RUNX1: variants seen among roughly 807,000 people sequenced by gnomAD.
The protein encoded by RUNX1 is runt-related transcription factor 1.
A neutral mutation model predicts 42.8 loss-of-function variants in RUNX1; 19 were observed. That is an observed-to-expected ratio of 0.44 (90% CI 0.31 to 0.65). The LOEUF is 0.65. Among genes scored for constraint, RUNX1 ranks in the 30% least tolerant of loss-of-function variants. The pLI, the probability that RUNX1 is intolerant of heterozygous loss-of-function variation, is 0.07. For missense variants in RUNX1, 528 were observed against 672.0 expected, an observed-to-expected ratio of 0.79 and a Z score of 2.37; for synonymous variants, 271 against 289.4, an observed-to-expected ratio of 0.94 and a Z score of 0.64.
intron 8 of RUNX1, among the ~76,000 whole-genome samples, chr21:34,796,810 A>T (rs2056534830): frequency 6.7e-6 from 1 of 150,170 alleles, no homozygotes; most frequent in Non-Finnish European, 1.5e-5. Context: ...TTTGAAAAAG[A>T]AAAAAAAAAG....
At chr21:34,826,540 C>T (rs887476381) in intron 7 of RUNX1, among the ~76,000 whole-genome samples, 54 of 146,912 alleles carry the variant, frequency 3.7e-4, no homozygotes, top group African/African-American at 1.3e-3. Flanking sequence ...CCGGCTCAAG[C>T]GATTCTCCTG....
At chr21:35,013,480 G>A (rs1036098819) in intron 2 of RUNX1, among the ~76,000 whole-genome samples, 1 of 152,176 alleles carries the variant, frequency 6.6e-6, no homozygotes, top group Non-Finnish European at 1.5e-5. Flanking sequence ...ATTACGAGAG[G>A]TGAAGGTTAT....
At chr21:35,003,490 A>T (rs899733708) in intron 2 of RUNX1, among the ~76,000 whole-genome samples, 3 of 152,038 alleles carry the variant, frequency 2.0e-5, no homozygotes, top group Non-Finnish European at 4.4e-5. Flanking sequence ...CTTTGATGAT[A>T]ATGAGTGAAC....
chr21:34,844,741 C>G (rs2057292412), intron 6 of RUNX1, among the ~76,000 whole-genome samples: 2 of 152,200 alleles, frequency 1.3e-5, no homozygotes, highest in Admixed American at 1.3e-4. Context: ...AGCCCTGCCC[C>G]CTGGGCCTCG....
intron 3 of RUNX1, among the ~76,000 whole-genome samples, chr21:34,889,996 G>A (rs899381847): frequency 2.6e-5 from 4 of 151,986 alleles, no homozygotes; most frequent in African/African-American, 7.2e-5. Flanking sequence ...CGGCGCGGGG[G>A]TCCCTCGCCG....
intron 2 of RUNX1, among the ~76,000 whole-genome samples, chr21:34,987,654 A>C (rs1330443803): frequency 2.0e-5 from 3 of 152,302 alleles, no homozygotes; most frequent in Admixed American, 2.0e-4. Context: ...TCGCTAAAAA[A>C]ATTCTCATAA....
chr21:34,834,161 T>C (rs1445414079), intron 7 of RUNX1: 2 of 696,018 alleles, frequency 2.9e-6, no homozygotes, highest in African/African-American at 3.5e-5. Context: ...CCTCGTATCC[T>C]CTGTAGCAGT....
chr21:34,968,388 C>G (rs954469924), intron 2 of RUNX1, among the ~76,000 whole-genome samples: 2 of 152,098 alleles, frequency 1.3e-5, no homozygotes, highest in Non-Finnish European at 2.9e-5. Context: ...TGGGACAAGA[C>G]CCTCCGAAAG....
intron 7 of RUNX1, among the ~76,000 whole-genome samples, chr21:34,820,740 C>G (rs182124407): frequency 6.6e-6 from 1 of 151,948 alleles, no homozygotes; most frequent in Non-Finnish European, 1.5e-5. Flanking sequence ...AACCATGGGA[C>G]CTAGCATCTC....
At chr21:34,897,733 C>G (rs2058141857) in intron 2 of RUNX1, among the ~76,000 whole-genome samples, 1 of 152,124 alleles carries the variant, frequency 6.6e-6, no homozygotes. Flanking sequence ...GATTGAATTA[C>G]CTAGTTAGTA....
chr21:35,021,657 T>C (rs2059199186), intron 2 of RUNX1, among the ~76,000 whole-genome samples: 1 of 152,106 alleles, frequency 6.6e-6, no homozygotes. Context: ...CCATCTGGGG[T>C]TTCTTCCAGA....
intron 2 of RUNX1, among the ~76,000 whole-genome samples, chr21:35,044,482 A>G (rs2059382410): frequency 1.3e-5 from 2 of 152,364 alleles, no homozygotes; most frequent in East Asian, 1.9e-4. Context: ...AGCTACCTTA[A>G]TAACAGGTAC....
At chr21:35,049,115 TAAAAAAA>T (rs79420744) in intron 1 of RUNX1, 46 bp downstream of exon 1, 4 of 427,838 alleles carry the variant, frequency 9.3e-6, no homozygotes, top group Non-Finnish European at 1.7e-5. Flanking sequence ...TGTTAAAGAT[TAAAAAAA>T]AAAAAAAAGC....
chr21:34,877,110 C>T (rs188655119), intron 5 of RUNX1, among the ~76,000 whole-genome samples: 2 of 152,216 alleles, frequency 1.3e-5, no homozygotes, highest in African/African-American at 4.8e-5. Context: ...CCACCCACCT[C>T]GGCCTCCCAA....
At position 34,791,818 on chromosome 21, in the gene RUNX1, C is replaced by A; in HGVS notation, c.*317G>T. The A allele has an allele frequency of 4.3e-6, 1 of 232,920 alleles. No homozygotes were observed. The highest frequency in any genetic ancestry group is 8.5e-6 in the Non-Finnish European group (1 of 117,594). The allele number at this position is 232,920 out of a possible 1,614,324, so 14.4% of individuals were successfully genotyped here. A position where few individuals can be genotyped will look rare whatever the true frequency, so the allele number is the denominator to read the frequency against. On this transcript the variant is annotated 3_prime_UTR_variant, in exon 9 of 9. Coordinates refer to ENST00000675419, the MANE Select transcript of RUNX1 (RefSeq NM_001754.5). ...CTAAATCAGAAGCATTCACAGTTTC[C>A]CTCCGGGAATCTTCCTGTTTGCTTT...
chr21:34,887,676 C>A, intron 3 of RUNX1: 5 of 1,073,628 alleles, frequency 4.7e-6, no homozygotes, highest in Non-Finnish European at 4.5e-6. Context: ...AAAGGTAGTG[C>A]TACTAATGTA....
At chr21:34,963,539 C>T (rs1197622829) in intron 2 of RUNX1, among the ~76,000 whole-genome samples, 2 of 152,166 alleles carry the variant, frequency 1.3e-5, no homozygotes, top group African/African-American at 4.8e-5. Context: ...GTTCAACATC[C>T]ATCCTTCTAT....
chr21:34,930,939 A>G (rs1015140569), intron 2 of RUNX1, among the ~76,000 whole-genome samples: 1 of 152,124 alleles, frequency 6.6e-6, no homozygotes, highest in African/African-American at 2.4e-5. Flanking sequence ...CAGGCAACTC[A>G]CATCCAATAT....
chr21:34,978,701 AAATTCCAATATTTATGAACAACTGT>A (rs2058822376), intron 2 of RUNX1, among the ~76,000 whole-genome samples: 1 of 152,206 alleles, frequency 6.6e-6, no homozygotes, highest in Non-Finnish European at 1.5e-5. Flanking sequence ...CAAGGCAAGG[AAATTCCAATATTTATGAACAACTGT>A]AGAGGGTAAT....
Sources: gnomAD v4.1 joint callset for allele counts (sites outside exome capture counted in the v4.1 genomes callset) on GRCh38, gnomAD v4.1.1 for gene constraint, MANE v1.5 for transcripts, NCBI Gene and HGNC (gene_info 2026-07-23, HGNC 2026-07-21) for gene names.